STAT4: variants seen among roughly 807,000 people sequenced by gnomAD.
STAT4 encodes signal transducer and activator of transcription 4.
In STAT4, 42 loss-of-function variants were observed where a neutral mutation model predicts 110.5. The observed-to-expected ratio is 0.38, with a 90% confidence interval of 0.30 to 0.49. STAT4 has a LOEUF of 0.49. STAT4 is among the 20% of genes least tolerant of loss of function. STAT4 has a pLI of 0.95. For synonymous variants in STAT4, 284 were observed against 302.2 expected (o/e 0.94, Z 0.63); for missense variants, 632 against 887.9 (o/e 0.71, Z 3.66).
At position 191,080,610 on chromosome 2, in the gene STAT4, C is replaced by G. The variant is rs143072522; in HGVS notation, c.274-4285G>C. Among the ~76,000 whole-genome samples, 1,446 of 152,140 alleles carry G rather than the reference C, an allele frequency of 9.5e-3. 99 individuals are homozygous for G. The highest frequency in any genetic ancestry group is 0.089 in the Admixed American group (1,352 of 15,266). On this transcript the variant is annotated intron_variant, in intron 3 of 23. Transcript: ENST00000392320. ...TACATATGGTTAAATGGTTTGTTGA[C>G]TGAAACATTAAAGAGTTGTAATAGT... is the stretch of plus-strand genomic sequence containing the variant.
chr2:191,095,855 A>G (rs1697961877), intron 3 of STAT4, among the ~76,000 whole-genome samples: 1 of 152,204 alleles, frequency 6.6e-6, no homozygotes, highest in Non-Finnish European at 1.5e-5. Flanking sequence ...AGATCAACAA[A>G]ATTGATAGAT....
intron 3 of STAT4, among the ~76,000 whole-genome samples, chr2:191,084,176 C>G (rs569550942): frequency 1.1e-3 from 163 of 151,996 alleles, no homozygotes; most frequent in African/African-American, 3.8e-3. Flanking sequence ...GCAAGAGACT[C>G]GCTTGAACCC....
rs1390243318 is a variant in STAT4 at position 191,150,540 on chromosome 2, A to G, written c.-2+407T>C. Among the ~76,000 whole-genome samples the G allele has an allele frequency of 2.0e-5, 3 of 152,230 alleles. No homozygotes were observed. The South Asian group carries it at 6.2e-4, about 32-fold the overall frequency. ...TGTCACTCGCGCCCATCAAAGCCAC[A>G]GTCACCGGCTGCCGTAGCTGCAAGC... is the stretch of plus-strand genomic sequence containing the variant. On this transcript the variant is annotated intron_variant, in intron 1 of 23. Coordinates refer to ENST00000392320, the MANE Select transcript of STAT4 (RefSeq NM_003151.4). This position sits in a 1 kb window ranked among gnomAD's most constrained non-coding sequence, Gnocchi z 6.4.
chr2:191,128,434 C>T (rs1574184168), intron 3 of STAT4, among the ~76,000 whole-genome samples: 1 of 152,144 alleles, frequency 6.6e-6, no homozygotes, highest in Non-Finnish European at 1.5e-5. Flanking sequence ...CAGAGCAGCT[C>T]CGCGTTTCAA....
intron 3 of STAT4, among the ~76,000 whole-genome samples, chr2:191,128,088 A>C (rs1698930918): frequency 6.6e-6 from 1 of 151,204 alleles, no homozygotes; most frequent in African/African-American, 2.4e-5. Context: ...ATTTCGTCTT[A>C]AACAGCACTA....
In STAT4 at chr2:191,062,237, G is replaced by A. The variant is rs1696868216; in HGVS notation, c.942-416C>T. Reference sequence around the variant, plus strand: ...GCCTGGATACATTTTTTATTTTTCTGTAGAGATGGGGGTCTTTTTATGCTG... The same window carrying A: ...GCCTGGATACATTTTTTATTTTTCTATAGAGATGGGGGTCTTTTTATGCTG... On this transcript the variant is annotated intron_variant, in intron 9 of 23. Transcript: ENST00000392320. This position sits in a 1 kb window ranked among gnomAD's most constrained non-coding sequence, Gnocchi z 4.9. Among the ~76,000 whole-genome samples, 1 of 151,888 alleles carries A rather than the reference G, an allele frequency of 6.6e-6. No individual in the cohort carries two copies.
chr2:191,064,413 A>G (rs1398412664), intron 8 of STAT4, among the ~76,000 whole-genome samples: 1 of 152,218 alleles, frequency 6.6e-6, no homozygotes. Flanking sequence ...CCTGACCCAC[A>G]TCTTTAACAA....
At chr2:191,136,442 GA>G (rs1478559241) in intron 3 of STAT4, among the ~76,000 whole-genome samples, 1 of 152,194 alleles carries the variant, frequency 6.6e-6, no homozygotes, top group Non-Finnish European at 1.5e-5. Context: ...ACCCAAACTG[GA>G]AAAGAGGATG....
rs1462946559 is a variant in STAT4, at chr2:191,146,630, T to G, written c.256A>C (p.Ile86Leu). 1 of 1,560,116 alleles carries G rather than the reference T, an allele frequency of 6.4e-7. No individual in the cohort carries two copies. Among genetic ancestry groups the G allele is most frequent in the Non-Finnish European group, 8.7e-7 (1 of 1,155,114 alleles). ...ATTCTTACCTGAAGGACCTTCCTAA[T>G]TCTTTTTAGATTGTGTATCAAGAGT... Reference protein sequence around the residue: ...NLLLIHNLKRIRKVLQGKFHG... With the variant: ...NLLLIHNLKRLRKVLQGKFHG... Residue 86 changes from isoleucine to leucine, a missense_variant, in exon 3 of 24, where the codon ATT (isoleucine) becomes CTT (leucine). By Grantham distance (5) the Ile-to-Leu change is conservative. This residue lies in a region of STAT4 where 488 missense variants were observed against 632.8 expected (regional missense o/e 0.77). Coordinates refer to ENST00000392320, the MANE Select transcript of STAT4 (RefSeq NM_003151.4). The surrounding 1 kb of genome is among the most constrained non-coding windows in gnomAD (Gnocchi z 4.5).
Position 191,090,623 on chromosome 2 carries a change from C to T in STAT4, c.274-14298G>A, listed in dbSNP as rs946157133. Among the ~76,000 whole-genome samples the T allele has an allele frequency of 7.2e-5, 11 of 152,216 alleles. No homozygotes were observed. The highest frequency in any genetic ancestry group is 2.2e-4 in the African/African-American group (9 of 41,556). On this transcript the variant is annotated intron_variant, in intron 3 of 23. Transcript: ENST00000392320. This position sits in a 1 kb window ranked among gnomAD's most constrained non-coding sequence, Gnocchi z 4.2. The stretch of plus-strand genomic sequence containing the variant: ...TTGCCCAGACTGGAGTGCAGTGGCG[C>T]GATCTCCGCCCACTGCAACCTCTGC...
intron 16 of STAT4, 137 bp from the exon 17 acceptor site, chr2:191,036,436 G>C: frequency 1.1e-6 from 1 of 895,612 alleles, no homozygotes; most frequent in Non-Finnish European, 1.7e-6. Flanking sequence ...GTGATAGTCA[G>C]GCAGTTAACT....
intron 3 of STAT4, among the ~76,000 whole-genome samples, chr2:191,125,752 G>C (rs1678411343): frequency 6.6e-6 from 1 of 152,038 alleles, no homozygotes; most frequent in African/African-American, 2.4e-5. Context: ...CCAAAGTGCT[G>C]AGATTACAGA....
At chr2:191,041,940 G>C (rs917364590) in intron 14 of STAT4, among the ~76,000 whole-genome samples, 2 of 152,190 alleles carry the variant, frequency 1.3e-5, no homozygotes, top group Admixed American at 6.5e-5. Flanking sequence ...CTGCAGTCAG[G>C]GGTTAGGTGC....
At chr2:191,045,558 G>A (rs1028506764) in intron 14 of STAT4, among the ~76,000 whole-genome samples, 1 of 152,166 alleles carries the variant, frequency 6.6e-6, no homozygotes, top group East Asian at 1.9e-4. Context: ...AGGTGGCAGG[G>A]TCACCTGAAA....
chr2:191,081,053 C>T (rs1697459146), intron 3 of STAT4, among the ~76,000 whole-genome samples: 1 of 152,136 alleles, frequency 6.6e-6, no homozygotes, highest in African/African-American at 2.4e-5. Context: ...CATATATTCT[C>T]ATTGTTCAAC....
chr2:191,053,119 A>C lies in STAT4; in HGVS notation c.1251+1371T>G, dbSNP rs1455581485. ...CTTTATGGTTTTGTGAGGTGTGATAAATTGGATGTCATTGGATGCTGGATT... is the reference window on the plus strand; with the variant it reads ...CTTTATGGTTTTGTGAGGTGTGATACATTGGATGTCATTGGATGCTGGATT... On this transcript the variant is annotated intron_variant, in intron 14 of 23. Transcript: ENST00000392320. This position sits in a 1 kb window ranked among gnomAD's most constrained non-coding sequence, Gnocchi z 4.5. 2.0e-5 allele frequency among the ~76,000 whole-genome samples: 3 copies of C among 152,162 alleles called. No homozygotes were observed. The highest frequency in any genetic ancestry group is 2.9e-5 in the Non-Finnish European group (2 of 68,022).
chr2:191,033,165 T>C lies in STAT4; in HGVS notation c.1853-16A>G, dbSNP rs180681822. ...CTCACTTCCCCTTGAAAAACAGAAA[T>C]TGGAGAAATATACAGGTTCCTGTAC... On this transcript the variant is annotated splice_polypyrimidine_tract_variant and intron_variant, in intron 20 of 23. Transcript: ENST00000392320. The surrounding 1 kb of genome is among the most constrained non-coding windows in gnomAD (Gnocchi z 6.9). The C allele has an allele frequency of 6.2e-7, 1 of 1,610,852 alleles. No homozygotes were observed. Among genetic ancestry groups the C allele is most frequent in the Admixed American group, 1.7e-5 (1 of 59,320 alleles).
rs760220932 is a variant in STAT4, at chr2:191,076,328, G to GAA, written c.274-5_274-4dup. On this transcript the variant is annotated splice_region_variant and splice_polypyrimidine_tract_variant and intron_variant, in intron 3 of 23. Transcript: ENST00000392320. The stretch of plus-strand genomic sequence containing the variant: ...ATTGGATTTCCATGAAATTTTCCCT[G>GAA]AAAAAAAAAACAATGAGCAAAAATA... 64 of 1,421,708 alleles carry GAA rather than the reference G, an allele frequency of 4.5e-5. No homozygotes were observed. Among genetic ancestry groups the GAA allele is most frequent in the South Asian group, 8.2e-5 (6 of 73,500 alleles). The allele number at this position is 1,421,708 out of a possible 1,614,324, so 88.1% of individuals were successfully genotyped here.
At chr2:191,109,788 G>T (rs939224268) in intron 3 of STAT4, among the ~76,000 whole-genome samples, 5 of 152,098 alleles carry the variant, frequency 3.3e-5, no homozygotes, top group Admixed American at 6.5e-5. Flanking sequence ...TTGGTTTTAT[G>T]TGATCATTTT....
Sources: allele counts gnomAD v4.1 joint callset (sites outside exome capture counted in the v4.1 genomes callset), GRCh38; gene constraint gnomAD v4.1.1; regional missense constraint gnomAD v4.1.1; non-coding constraint Gnocchi (gnomAD v3.1); transcripts MANE v1.5; gene names NCBI Gene and HGNC (gene_info 2026-07-23, HGNC 2026-07-21).